PPP1R14C: variants seen among roughly 807,000 people sequenced by gnomAD.
PPP1R14C encodes the protein protein phosphatase 1 regulatory inhibitor subunit 14C, also known as protein phosphatase 1 regulatory subunit 14C.
A neutral mutation model predicts 20.4 loss-of-function variants in PPP1R14C; 16 were observed. The ratio of observed to expected loss-of-function variants is 0.78; its 90% CI spans 0.53 to 1.19. The LOEUF is 1.19. Ranked by LOEUF, PPP1R14C falls within the 50% of genes most tolerant of loss-of-function variation. The pLI, the probability that PPP1R14C is intolerant of heterozygous loss-of-function variation, is 0.00. For synonymous variants in PPP1R14C, 91 were observed against 91.0 expected (o/e 1.00, Z 0.00); for missense variants, 211 against 220.1 (o/e 0.96, Z 0.26).
intron 1 of PPP1R14C, among the ~76,000 whole-genome samples, chr6:150,168,293 T>C (rs554398218): frequency 1.3e-5 from 2 of 151,276 alleles, no homozygotes; most frequent in Non-Finnish European, 2.9e-5. Context: ...TCCCAGCACT[T>C]TGGGAGGCCG....
chr6:150,244,572 C>T (rs1040938450), intron 3 of PPP1R14C, among the ~76,000 whole-genome samples: 22 of 152,222 alleles, frequency 1.4e-4, no homozygotes, highest in Non-Finnish European at 2.9e-5. Context: ...TAGAAAGAGT[C>T]CCTATCGGCA....
chr6:150,218,298 G>A (rs1778121471), intron 3 of PPP1R14C, among the ~76,000 whole-genome samples: 1 of 152,068 alleles, frequency 6.6e-6, no homozygotes, highest in South Asian at 2.1e-4. Context: ...AGCTACTCGG[G>A]AGGCTGAGGC....
intron 1 of PPP1R14C, among the ~76,000 whole-genome samples, chr6:150,179,984 C>T (rs1034915344): frequency 2.0e-5 from 3 of 152,090 alleles, no homozygotes; most frequent in Admixed American, 6.6e-5. Context: ...GATAGATCAC[C>T]TGAGGTCAGG....
At chr6:150,181,134 T>C (rs1777617385) in intron 1 of PPP1R14C, among the ~76,000 whole-genome samples, 1 of 152,152 alleles carries the variant, frequency 6.6e-6, no homozygotes, top group Non-Finnish European at 1.5e-5. Flanking sequence ...TGTCTATCCA[T>C]AGTGGCTGGG....
At chr6:150,150,136 G>C (rs1777228091) in intron 1 of PPP1R14C, among the ~76,000 whole-genome samples, 1 of 152,198 alleles carries the variant, frequency 6.6e-6, no homozygotes, top group South Asian at 2.1e-4. Flanking sequence ...ACTAATTGGT[G>C]ATATTCCTTT....
chr6:150,184,318 TC>T (rs770407885), intron 1 of PPP1R14C, among the ~76,000 whole-genome samples: 4 of 152,158 alleles, frequency 2.6e-5, no homozygotes, highest in Non-Finnish European at 4.4e-5. Context: ...GAGCCTAACT[TC>T]CTTTGGAAGG....
chr6:150,170,126 A>G (rs1777480051), intron 1 of PPP1R14C, among the ~76,000 whole-genome samples: 1 of 152,190 alleles, frequency 6.6e-6, no homozygotes, highest in Non-Finnish European at 1.5e-5. Context: ...AGGAAAAGGA[A>G]CATAGATTTT....
intron 1 of PPP1R14C, chr6:150,194,893 T>TG: frequency 1.0e-6 from 1 of 985,410 alleles, no homozygotes; most frequent in Non-Finnish European, 1.2e-6. Context: ...GATTTAAAGG[T>TG]GAGATTGACT....
rs111798024 is a variant in PPP1R14C at position 150,174,377 on chromosome 6, T to G, written c.306+30879T>G. Among the ~76,000 whole-genome samples, 189 of 151,890 alleles carry G rather than the reference T, an allele frequency of 1.2e-3. 1 individual carries two copies. Among genetic ancestry groups the G allele is most frequent in the South Asian group, 6.9e-3 (33 of 4,802 alleles). ...TGGGACTACCGGTGCCCCCCACCAC[T>G]CCCAGGTAATCTGTATTTTTAGTAG... On this transcript the variant is annotated intron_variant, in intron 1 of 3. Transcript: ENST00000361131.
At position 150,143,336 on chromosome 6, in the gene PPP1R14C, G is replaced by T. The variant is rs1463400970; in HGVS notation, c.144G>T (p.Ala48=). The T allele has an allele frequency of 3.1e-6, 5 of 1,603,156 alleles. No homozygotes were observed. Among genetic ancestry groups the T allele is most frequent in the Non-Finnish European group, 1.7e-6 (2 of 1,176,254 alleles). ...CAGGCTCCTCCCGGGAGGACTCGGCGCCCGTGGCCACGGCGGCCGCTGCAG... is the reference window on the plus strand; with the variant it reads ...CAGGCTCCTCCCGGGAGGACTCGGCTCCCGTGGCCACGGCGGCCGCTGCAG... ...SGSGSSREDS[A]PVATAAAAGQ... Residue 48 remains alanine, a synonymous_variant, in exon 1 of 4, where the codon GCG becomes GCT. Transcript: ENST00000361131. The surrounding 1 kb of genome is among the most constrained non-coding windows in gnomAD (Gnocchi z 5.6).
chr6:150,249,636 A>C lies in PPP1R14C; in HGVS notation c.*816A>C. 8 of 398,018 alleles carry C rather than the reference A, an allele frequency of 2.0e-5. No homozygotes were observed. The highest frequency in any genetic ancestry group is 3.1e-5 in the Non-Finnish European group (7 of 225,828). The allele number at this position is 398,018 out of a possible 1,614,324, so 24.7% of individuals were successfully genotyped here. A position where few individuals can be genotyped will look rare whatever the true frequency, so the allele number is the denominator to read the frequency against. The stretch of plus-strand genomic sequence containing the variant: ...TCTAGAGAAATATCCACACTATCTC[A>C]GTGGTATTTTGCATTGGAAAAAGGA... On this transcript the variant is annotated 3_prime_UTR_variant, in exon 4 of 4. Transcript: ENST00000361131.
chr6:150,207,988 G>A (rs1284120033), intron 1 of PPP1R14C, among the ~76,000 whole-genome samples: 3 of 152,058 alleles, frequency 2.0e-5, no homozygotes, highest in South Asian at 2.1e-4. Context: ...GCAGGCAAGC[G>A]CTTGAAAAAA....
At chr6:150,240,591 C>A (rs895841178) in intron 3 of PPP1R14C, among the ~76,000 whole-genome samples, 3 of 152,286 alleles carry the variant, frequency 2.0e-5, no homozygotes, top group African/African-American at 7.2e-5. Flanking sequence ...AAGTTACACC[C>A]CTGTGCAGAT....
intron 3 of PPP1R14C, among the ~76,000 whole-genome samples, chr6:150,229,880 C>A (rs866971442): frequency 2.0e-5 from 3 of 152,202 alleles, no homozygotes; most frequent in East Asian, 1.9e-4. Context: ...CCCTGCCCCC[C>A]AAAAAGAAGG....
chr6:150,165,335 G>C (rs1777411586), intron 1 of PPP1R14C, among the ~76,000 whole-genome samples: 1 of 152,224 alleles, frequency 6.6e-6, no homozygotes, highest in Admixed American at 6.5e-5. Flanking sequence ...TGGGCTCCCA[G>C]TCCAAGAAAA....
rs1777372209 is a variant in PPP1R14C, at chr6:150,161,824, T to A, written c.306+18326T>A. Among the ~76,000 whole-genome samples the A allele has an allele frequency of 1.3e-5, 2 of 152,234 alleles. 1 individual carries two copies. Among genetic ancestry groups the A allele is most frequent in the South Asian group, 4.1e-4 (2 of 4,838 alleles). ...GCATACATTTGTAATATAGATAGAT[T>A]GTTTTGTCACATTCTGCATTCCATC... is the stretch of plus-strand genomic sequence containing the variant. On this transcript the variant is annotated intron_variant, in intron 1 of 3. Transcript: ENST00000361131.
In PPP1R14C at chr6:150,201,860, G is replaced by A. The variant is rs1348134159; in HGVS notation, c.307-12884G>A. ...TGACAGTTATGGTGATGGATTGGAT[G>A]GTGGCGACAGGGAGAGGAGGGGTCA... On this transcript the variant is annotated intron_variant, in intron 1 of 3. Transcript: ENST00000361131. This position sits in a 1 kb window ranked among gnomAD's most constrained non-coding sequence, Gnocchi z 4.2. 6.6e-6 allele frequency among the ~76,000 whole-genome samples: 1 copy of A among 152,110 alleles called. No individual in the cohort carries two copies. Among genetic ancestry groups the A allele is most frequent in the East Asian group, 1.9e-4 (1 of 5,180 alleles).
chr6:150,155,962 C>T (rs568797152), intron 1 of PPP1R14C, among the ~76,000 whole-genome samples: 1 of 137,934 alleles, frequency 7.2e-6, no homozygotes, highest in East Asian at 2.2e-4. Flanking sequence ...GAGGCAGAGA[C>T]CGTAGTGAGC....
rs190290247 is a variant in PPP1R14C, at chr6:150,194,376, A to T, written c.307-20368A>T. The T allele has an allele frequency of 3.2e-4, 265 of 839,326 alleles. 3 individuals carry two copies. The African/African-American group carries it at 4.5e-3, about 14-fold the overall frequency. 52.0% of individuals were successfully genotyped at this position (839,326 alleles called of 1,614,324 possible). On this transcript the variant is annotated intron_variant, in intron 1 of 3. Transcript: ENST00000361131. ...TTGGACACAGCTTGAGCCAAGATTT[A>T]TCTTTCTTTGGCAACCCCTGTTTGT...
Sources: allele counts gnomAD v4.1 joint callset (sites outside exome capture counted in the v4.1 genomes callset), GRCh38; gene constraint gnomAD v4.1.1; non-coding constraint Gnocchi (gnomAD v3.1); transcripts MANE v1.5; gene names NCBI Gene and HGNC (gene_info 2026-07-23, HGNC 2026-07-21).